The following FAM3B variants were observed in gnomAD, a reference collection of about 807,000 sequenced individuals.
FAM3B encodes FAM3 metabolism regulating signaling molecule B.
In FAM3B, 29 loss-of-function variants were observed where a neutral mutation model predicts 28.4. The observed-to-expected ratio is 1.02, with a 90% CI of 0.76 to 1.39. FAM3B has a LOEUF of 1.39. Among genes scored for constraint, FAM3B ranks in the 40% most tolerant of loss-of-function variants. The pLI is 0.00. For synonymous variants in FAM3B, 91 were observed against 103.0 expected (o/e 0.88, Z 0.71); for missense variants, 266 against 293.9 (o/e 0.91, Z 0.69).
chr21:41,346,091 C>A, intron 5 of FAM3B: 1 of 213,194 alleles, frequency 4.7e-6, no homozygotes, highest in South Asian at 6.2e-5. Context: ...TAAATATCAT[C>A]ATCCTTTGAA....
chr21:41,315,818 G>A (rs940483458), upstream of FAM3B, among the ~76,000 whole-genome samples: 1 of 152,172 alleles, frequency 6.6e-6, no homozygotes, highest in African/African-American at 2.4e-5. Flanking sequence ...GGGAGACTCA[G>A]GGCCAAGCCC....
chr21:41,330,720 G>T (rs1195361937), intron 2 of FAM3B, among the ~76,000 whole-genome samples: 1 of 152,192 alleles, frequency 6.6e-6, no homozygotes, highest in African/African-American at 2.4e-5. Flanking sequence ...CGTTATTTCT[G>T]TTAGCATACT....
upstream of FAM3B, among the ~76,000 whole-genome samples, chr21:41,314,706 A>T (rs943951269): frequency 6.6e-6 from 1 of 152,294 alleles, no homozygotes; most frequent in Admixed American, 6.5e-5. Context: ...AATTAGGACA[A>T]TGCAAACCAA....
chr21:41,351,993 G>T (rs2089124548), intron 7 of FAM3B, among the ~76,000 whole-genome samples: 1 of 152,202 alleles, frequency 6.6e-6, no homozygotes, highest in Admixed American at 6.5e-5. Flanking sequence ...GTGGGTAGCG[G>T]AGCCTGCCTT....
chr21:41,338,798 G>A (rs1282603584), intron 3 of FAM3B, among the ~76,000 whole-genome samples: 1 of 152,204 alleles, frequency 6.6e-6, no homozygotes, highest in African/African-American at 2.4e-5. Flanking sequence ...GGTTCTACGG[G>A]TGATGATAGA....
chr21:41,309,528 T>G (rs2088698736), intron 1 of FAM3B, among the ~76,000 whole-genome samples: 1 of 152,232 alleles, frequency 6.6e-6, no homozygotes, highest in African/African-American at 2.4e-5. Context: ...CCAGTCACAG[T>G]TGCAGATCAA....
rs754143210 is a variant in FAM3B, at chr21:41,338,430, C to T, written c.216C>T (p.Asp72=). 2.7e-5 allele frequency: 44 copies of T among 1,614,104 alleles called. No homozygotes were observed. The highest frequency in any genetic ancestry group is 5.0e-5 in the Admixed American group (3 of 60,008). ...ACCACTGGACTCCCTGCCCATCTGA[C>T]ACCTATGCCTACAGGTTACTCAGCG... ...KCDHWTPCPS[D]TYAYRLLSGG... Residue 72 remains aspartate (D), a synonymous_variant, in exon 3 of 8, where the codon GAC becomes GAT. Transcript: ENST00000357985.
intron 6 of FAM3B, 72 bp downstream of exon 6, chr21:41,347,172 C>T (rs2089068962): frequency 1.6e-6 from 2 of 1,235,194 alleles, no homozygotes; most frequent in Non-Finnish European, 2.4e-6. Flanking sequence ...CAGGGTCTCT[C>T]AGTGACATCC....
At chr21:41,350,250 C>G (rs535178136) in intron 7 of FAM3B, among the ~76,000 whole-genome samples, 2 of 152,320 alleles carry the variant, frequency 1.3e-5, no homozygotes, top group Admixed American at 6.5e-5. Context: ...GGGATTTCCT[C>G]AGGCTGACCC....
intron 2 of FAM3B, 78 bp downstream of exon 2, chr21:41,323,144 T>A (rs2088825370): frequency 1.3e-6 from 2 of 1,557,498 alleles, no homozygotes; most frequent in Non-Finnish European, 1.7e-6. Context: ...CTGTCCCAGC[T>A]GGAGGCTGGG....
In FAM3B at chr21:41,322,927, G is replaced by T; in HGVS notation, c.24G>T (p.Leu8=). 6.2e-7 allele frequency: 1 copy of T among 1,613,988 alleles called. No homozygotes were observed. Among genetic ancestry groups the T allele is most frequent in the South Asian group, 1.1e-5 (1 of 91,088 alleles). MRPLAGG[L]LKVVFVVFAS... is the part of the protein sequence containing the mutation. ...TGCTTGGTGTCCTCTCTGCAGGCCT[G>T]CTCAAGGTGGTGTTCGTGGTCTTCG... Residue 8 remains leucine, a synonymous_variant, in exon 2 of 8, where the codon CTG becomes CTT. Coordinates refer to ENST00000357985, the MANE Select transcript of FAM3B (RefSeq NM_058186.4).
intron 1 of FAM3B, among the ~76,000 whole-genome samples, chr21:41,308,679 A>G (rs1197181290): frequency 6.6e-6 from 1 of 151,344 alleles, no homozygotes; most frequent in Non-Finnish European, 1.5e-5. Flanking sequence ...AGCTGGGATT[A>G]CAGGCATGCA....
intron 4 of FAM3B, among the ~76,000 whole-genome samples, chr21:41,345,079 AG>A (rs1374317035): frequency 2.6e-5 from 4 of 152,220 alleles, no homozygotes; most frequent in Admixed American, 1.3e-4. Flanking sequence ...CCGAGACGTG[AG>A]GGCTGTGGAA....
At chr21:41,336,646 G>A (rs1026258370) in intron 2 of FAM3B, among the ~76,000 whole-genome samples, 2 of 152,070 alleles carry the variant, frequency 1.3e-5, no homozygotes, top group South Asian at 2.1e-4. Flanking sequence ...TTTCTGCCTC[G>A]CTTACCTGTC....
intron 7 of FAM3B, among the ~76,000 whole-genome samples, chr21:41,356,066 CACACACACACACACACACAT>C (rs1227925275): frequency 6.6e-6 from 1 of 150,556 alleles, no homozygotes; most frequent in Non-Finnish European, 1.5e-5. Flanking sequence ...CACACACACA[CACACACACACACACACACAT>C]AGTTTTACTC....
intron 4 of FAM3B, among the ~76,000 whole-genome samples, chr21:41,344,745 T>C (rs1179417561): frequency 6.6e-6 from 1 of 152,186 alleles, no homozygotes; most frequent in Non-Finnish European, 1.5e-5. Context: ...AAACCAAATA[T>C]AGACTTTATT....
intron 4 of FAM3B, 69 bp downstream of exon 4, chr21:41,344,603 G>A: frequency 7.4e-7 from 1 of 1,351,300 alleles, no homozygotes; most frequent in Non-Finnish European, 1.1e-6. Flanking sequence ...AGGTACCTTG[G>A]GTTTTCGAGA....
At position 41,345,539 on chromosome 21, in the gene FAM3B, C is replaced by G; in HGVS notation, c.347-147C>G. 3 of 548,858 alleles carry G rather than the reference C, an allele frequency of 5.5e-6. No individual in the cohort carries two copies. In the South Asian group the frequency reaches 7.4e-5, roughly 14 times the overall value. 34.0% of individuals were successfully genotyped at this position (548,858 alleles called of 1,614,324 possible). ...TTGGGGACTCTCCTCAAGGGGCCCG[C>G]CCTGTCTCTGCAGGCTGGGTCATTA... On this transcript the variant is annotated intron_variant, in intron 4 of 7. Coordinates refer to ENST00000357985, the MANE Select transcript of FAM3B (RefSeq NM_058186.4).
At chr21:41,322,889 C>G in intron 1 of FAM3B, 34 bp from the exon 2 acceptor site, 1 of 1,614,178 alleles carries the variant, frequency 6.2e-7, no homozygotes, top group Non-Finnish European at 8.5e-7. Context: ...GCCACCAAGT[C>G]GTTCACAGCA....
Sources: gnomAD v4.1 joint callset for allele counts (sites outside exome capture counted in the v4.1 genomes callset) on GRCh38, gnomAD v4.1.1 for gene constraint, MANE v1.5 for transcripts, NCBI Gene and HGNC (gene_info 2026-07-23, HGNC 2026-07-21) for gene names.